Variants in SIPA1L3 observed in about 807,000 individuals in gnomAD.
The protein encoded by SIPA1L3 is signal induced proliferation associated 1 like 3, also known as signal-induced proliferation-associated 1-like protein 3.
In SIPA1L3, 59 loss-of-function variants were observed where a neutral mutation model predicts 150.1. The ratio of observed to expected loss-of-function variants is 0.39; its 90% CI spans 0.32 to 0.49. SIPA1L3 has a LOEUF of 0.49. Among genes scored for constraint, SIPA1L3 ranks in the 20% least tolerant of loss-of-function variants. The pLI, the probability that SIPA1L3 is intolerant of heterozygous loss-of-function variation, is 0.86. For synonymous variants in SIPA1L3, 1,070 were observed against 1,077.6 expected (o/e 0.99, Z 0.14); for missense variants, 2,211 against 2,489.5 (o/e 0.89, Z 2.38).
intron 1 of SIPA1L3, among the ~76,000 whole-genome samples, chr19:38,010,219 A>T (rs1013431777): frequency 2.0e-5 from 3 of 151,564 alleles, no homozygotes; most frequent in Admixed American, 6.6e-5. Flanking sequence ...TGGGCAATAT[A>T]AGGAGACTCT....
At chr19:37,975,677 A>G (rs751935908) in intron 1 of SIPA1L3, among the ~76,000 whole-genome samples, 1 of 152,204 alleles carries the variant, frequency 6.6e-6, no homozygotes, top group Non-Finnish European at 1.5e-5. Context: ...AGGTCTAAAG[A>G]TGGCTAATAA....
chr19:38,070,285 C>T (rs998399194), intron 2 of SIPA1L3, among the ~76,000 whole-genome samples: 3 of 152,086 alleles, frequency 2.0e-5, no homozygotes, highest in African/African-American at 7.2e-5. Flanking sequence ...TCACAGCTCA[C>T]TGCAGCCTTG....
At chr19:38,186,520 A>G (rs1395586442) in intron 16 of SIPA1L3, among the ~76,000 whole-genome samples, 2 of 150,092 alleles carry the variant, frequency 1.3e-5, no homozygotes, top group Non-Finnish European at 3.0e-5. Flanking sequence ...GTTCTTCTTA[A>G]TTTTTGTATT....
rs533222636 is a variant in SIPA1L3, at chr19:37,926,434, G to C, written c.-379+19076G>C. Reference sequence around the variant, plus strand: ...CAGTTTTGAAATCACAGCTCCCAGAGGGAGGGGCACCCGCGGACTCTTGCT... The same window carrying C: ...CAGTTTTGAAATCACAGCTCCCAGACGGAGGGGCACCCGCGGACTCTTGCT... On this transcript the variant is annotated intron_variant, in intron 1 of 21. Coordinates refer to ENST00000222345, the MANE Select transcript of SIPA1L3 (RefSeq NM_015073.3). 6.6e-5 allele frequency among the ~76,000 whole-genome samples: 10 copies of C among 152,334 alleles called. No homozygotes were observed. The East Asian group carries it at 1.9e-3, about 29-fold the overall frequency.
chr19:37,991,209 G>A (rs904695970), intron 1 of SIPA1L3, among the ~76,000 whole-genome samples: 2 of 152,178 alleles, frequency 1.3e-5, no homozygotes, highest in Non-Finnish European at 2.9e-5. Context: ...TCCAGCCTGG[G>A]CAACAGAGCA....
chr19:38,015,917 T>G (rs78785401), intron 1 of SIPA1L3, among the ~76,000 whole-genome samples: 2 of 152,124 alleles, frequency 1.3e-5, no homozygotes, highest in East Asian at 3.9e-4. Context: ...TTATACTTTT[T>G]GCTTTCAATC....
At position 38,119,687 on chromosome 19, in the gene SIPA1L3, A is replaced by C. The variant is rs1419226875; in HGVS notation, c.2673A>C (p.Gly891=). 3 of 1,614,004 alleles carry C rather than the reference A, an allele frequency of 1.9e-6. No individual in the cohort carries two copies. The highest frequency in any genetic ancestry group is 2.7e-5 in the African/African-American group (2 of 74,894). The change falls in exon 9 of 22, where the codon GGA becomes GGC. Residue 891 remains glycine (G), a synonymous_variant. Coordinates refer to ENST00000222345, the MANE Select transcript of SIPA1L3 (RefSeq NM_015073.3). ...AQGVEIDCIL[G]ISNEFVVLLD... ...GGGTGGAAATCGACTGCATTTTGGGAATTTCCAATGAGTTTGTGGTGCTCC... is the reference window on the plus strand; with the variant it reads ...GGGTGGAAATCGACTGCATTTTGGGCATTTCCAATGAGTTTGTGGTGCTCC...
chr19:38,049,469 A>G (rs1451363728), intron 2 of SIPA1L3, among the ~76,000 whole-genome samples: 1 of 152,156 alleles, frequency 6.6e-6, no homozygotes, highest in Non-Finnish European at 1.5e-5. Context: ...CATGCTGTAC[A>G]TCTGCCACGG....
At chr19:37,951,879 G>T (rs1440229905) in intron 1 of SIPA1L3, among the ~76,000 whole-genome samples, 2 of 110,784 alleles carry the variant, frequency 1.8e-5, no homozygotes, top group African/African-American at 3.7e-5. Context: ...CCTGGCGACA[G>T]AGCAAGACTG....
intron 2 of SIPA1L3, among the ~76,000 whole-genome samples, chr19:38,038,008 C>T (rs1193127825): frequency 6.6e-6 from 1 of 152,110 alleles, no homozygotes; most frequent in African/African-American, 2.4e-5. Context: ...GGGCAGGTAG[C>T]GGGAGATTTT....
chr19:38,007,543 A>G (rs1377644441), intron 1 of SIPA1L3, among the ~76,000 whole-genome samples: 1 of 151,600 alleles, frequency 6.6e-6, no homozygotes, highest in Non-Finnish European at 1.5e-5. Context: ...TGAGGAGAAT[A>G]TAGGTTTTGT....
Position 38,138,909 on chromosome 19 carries a change from A to AAAAAAAAAAAAC in SIPA1L3, c.3144-2269_3144-2268insAAAAACAAAAAA. 1.4e-5 allele frequency among the ~76,000 whole-genome samples: 2 copies of AAAAAAAAAAAAC among 144,994 alleles called. 1 individual carries two copies. The highest frequency in any genetic ancestry group is 3.0e-5 in the Non-Finnish European group (2 of 66,276). Reference sequence around the variant, plus strand: ...CGAGACTCTATCTCAAAAAAAAAAAAAAAAAACTGAGTGTGGTGGCTCACG... The same window carrying AAAAAAAAAAAAC: ...CGAGACTCTATCTCAAAAAAAAAAAAAAAAAAAAAAACAAAAAACTGAGTGTGGTGGCTCACG... On this transcript the variant is annotated intron_variant, in intron 10 of 21. Coordinates refer to ENST00000222345, the MANE Select transcript of SIPA1L3 (RefSeq NM_015073.3).
At chr19:37,988,316 C>T (rs1365318312) in intron 1 of SIPA1L3, among the ~76,000 whole-genome samples, 5 of 151,998 alleles carry the variant, frequency 3.3e-5, no homozygotes, top group South Asian at 2.1e-4. Flanking sequence ...CCCAGGAGTT[C>T]GAGACCAGCC....
At chr19:37,943,321 G>A (rs999066794) in intron 1 of SIPA1L3, among the ~76,000 whole-genome samples, 3 of 152,064 alleles carry the variant, frequency 2.0e-5, no homozygotes, top group African/African-American at 4.8e-5. Flanking sequence ...GGATTGGAAC[G>A]TGGATAGCCC....
chr19:38,079,848 G>A (rs1251864581), intron 2 of SIPA1L3, among the ~76,000 whole-genome samples: 1 of 152,162 alleles, frequency 6.6e-6, no homozygotes, highest in Non-Finnish European at 1.5e-5. Flanking sequence ...GAGCCACCGT[G>A]CCCAGCCGGA....
intron 1 of SIPA1L3, among the ~76,000 whole-genome samples, chr19:37,999,445 T>C (rs916981482): frequency 3.5e-4 from 54 of 152,208 alleles, no homozygotes; most frequent in African/African-American, 1.3e-3. Flanking sequence ...TTGCCCATCC[T>C]TGTTAAACAG....
intron 1 of SIPA1L3, among the ~76,000 whole-genome samples, chr19:38,013,776 A>G (rs1428186603): frequency 6.6e-6 from 1 of 152,280 alleles, no homozygotes; most frequent in Non-Finnish European, 1.5e-5. Context: ...AACCCTGGAA[A>G]TAAAACAAAT....
chr19:38,114,174 A>G (rs1438302233), intron 8 of SIPA1L3, among the ~76,000 whole-genome samples: 2 of 152,140 alleles, frequency 1.3e-5, no homozygotes, highest in Non-Finnish European at 2.9e-5. Context: ...TAATCCCAGC[A>G]CTTTGGGAGG....
At chr19:37,911,595 G>A (rs183722145) in intron 1 of SIPA1L3, among the ~76,000 whole-genome samples, 27 of 150,390 alleles carry the variant, frequency 1.8e-4, no homozygotes, top group Middle Eastern at 6.8e-3. Flanking sequence ...TGCAAGCTCC[G>A]CCTCCTGGGT....
Sources: gnomAD v4.1 joint callset for allele counts (sites outside exome capture counted in the v4.1 genomes callset) on GRCh38, gnomAD v4.1.1 for gene constraint, MANE v1.5 for transcripts, NCBI Gene and HGNC (gene_info 2026-07-23, HGNC 2026-07-21) for gene names.